The following SNX25 variants were observed in gnomAD, a reference collection of about 807,000 sequenced individuals.
The protein encoded by SNX25 is sorting nexin-25.
SNX25 carries 62 observed loss-of-function variants against 113.7 expected under a neutral mutation model. That is an observed-to-expected ratio of 0.55 (90% CI 0.44 to 0.67). The LOEUF (loss-of-function observed/expected upper bound fraction) is 0.67. SNX25 is among the 30% of genes least tolerant of loss of function. The pLI, the probability that SNX25 is intolerant of heterozygous loss-of-function variation, is 0.00. For synonymous variants in SNX25, 421 were observed against 436.2 expected (o/e 0.97, Z 0.43); for missense variants, 1,014 against 1,161.0 (o/e 0.87, Z 1.84).
At chr4:185,367,821 TAGA>T (rs772570545), downstream of SNX25, among the ~76,000 whole-genome samples, 2 of 152,156 alleles carry the variant, frequency 1.3e-5, no homozygotes, top group Non-Finnish European at 2.9e-5. Context: ...TCTACATATG[TAGA>T]AGTTTTCACC....
chr4:185,349,726 T>C (rs1418016606), intron 13 of SNX25, among the ~76,000 whole-genome samples: 1 of 152,220 alleles, frequency 6.6e-6, no homozygotes, highest in East Asian at 1.9e-4. Context: ...TTAATGGGAT[T>C]ATTGTGTGTG....
intron 1 of SNX25, among the ~76,000 whole-genome samples, chr4:185,213,452 A>T (rs1268635160): frequency 6.6e-6 from 1 of 152,230 alleles, no homozygotes; most frequent in Non-Finnish European, 1.5e-5. Flanking sequence ...GTCTTGACAG[A>T]TGATATCTGG....
intron 17 of SNX25, 126 bp downstream of exon 17, chr4:185,362,231 T>C: frequency 1.4e-6 from 2 of 1,388,690 alleles, no homozygotes; most frequent in Non-Finnish European, 1.9e-6. Context: ...GATCATACTC[T>C]TTTAAGCCAT....
At chr4:185,347,458 C>A (rs138400401) in intron 13 of SNX25, among the ~76,000 whole-genome samples, 6 of 150,818 alleles carry the variant, frequency 4.0e-5, no homozygotes, top group Non-Finnish European at 7.4e-5. Flanking sequence ...TTTTTGTTTT[C>A]TTTTGTTTTG....
chr4:185,314,761 G>A (rs1166762275), intron 7 of SNX25, among the ~76,000 whole-genome samples: 1 of 151,138 alleles, frequency 6.6e-6, no homozygotes, highest in Non-Finnish European at 1.5e-5. Context: ...GGGAGGCTGC[G>A]GCAGAAGAAT....
At chr4:185,324,911 T>G (rs192711804) in intron 9 of SNX25, among the ~76,000 whole-genome samples, 1 of 152,168 alleles carries the variant, frequency 6.6e-6, no homozygotes, top group Non-Finnish European at 1.5e-5. Flanking sequence ...TAGATGTTTT[T>G]GGGTAGTTGC....
intron 7 of SNX25, among the ~76,000 whole-genome samples, chr4:185,314,575 G>T (rs941163150): frequency 6.6e-6 from 1 of 151,998 alleles, no homozygotes; most frequent in African/African-American, 2.4e-5. Context: ...AAAAAGAAAT[G>T]GAGGCTGGGC....
chr4:185,374,431 G>A, downstream of SNX25: 1 of 1,613,980 alleles, frequency 6.2e-7, no homozygotes, highest in Admixed American at 1.7e-5. Flanking sequence ...GGAGAATCAA[G>A]AATTTTCTTC....
At position 185,323,544 on chromosome 4, in the gene SNX25, T is replaced by G; in HGVS notation, c.1493T>G (p.Leu498Ter). 6.2e-7 allele frequency: 1 copy of G among 1,610,732 alleles called. No individual in the cohort carries two copies. Among genetic ancestry groups the G allele is most frequent in the Non-Finnish European group, 8.5e-7 (1 of 1,178,772 alleles). ...KNANKNEIPQLVGEIYQNFFV... is the reference protein window; with the variant it reads ...KNANKNEIPQ ...TCTTTTCAGAATGAAATTCCACAAT[T>G]AGTTGGTGAAATTTATCAGAATTTC... Residue 498 changes from leucine (L) to a stop codon, truncating the protein, a stop_gained, in exon 9 of 19, where the codon TTA becomes TGA. Transcript: ENST00000652585. LOFTEE classifies it high-confidence loss of function.
chr4:185,340,600 G>A (rs143356551), intron 11 of SNX25, among the ~76,000 whole-genome samples: 1 of 152,290 alleles, frequency 6.6e-6, no homozygotes, highest in East Asian at 1.9e-4. Context: ...GGACTCAGGG[G>A]AATGTAATGG....
At chr4:185,280,132 G>A (rs1334320385) in intron 5 of SNX25, among the ~76,000 whole-genome samples, 1 of 152,220 alleles carries the variant, frequency 6.6e-6, no homozygotes, top group South Asian at 2.1e-4. Flanking sequence ...GTCTCATTAT[G>A]TTGCCCAGGC....
intron 13 of SNX25, among the ~76,000 whole-genome samples, chr4:185,349,159 C>T (rs1337571149): frequency 6.6e-6 from 1 of 152,168 alleles, no homozygotes; most frequent in Non-Finnish European, 1.5e-5. Context: ...TACACTAACC[C>T]TAACGACAGC....
At chr4:185,261,429 A>C (rs1747329404) in intron 3 of SNX25, among the ~76,000 whole-genome samples, 1 of 152,132 alleles carries the variant, frequency 6.6e-6, no homozygotes, top group South Asian at 2.1e-4. Context: ...CACCTGCCTC[A>C]GCCTGCCAAG....
Position 185,232,912 on chromosome 4 carries a change from A to C in SNX25, c.430-14382A>C, listed in dbSNP as rs1742073554. On this transcript the variant is annotated intron_variant, in intron 1 of 18. Coordinates refer to ENST00000652585, the MANE Select transcript of SNX25 (RefSeq NM_001378034.2). The surrounding 1 kb of genome is among the most constrained non-coding windows in gnomAD (Gnocchi z 4.4). ...GTAGAGAGCATGCCAGAATAGGAAGAATATTAGAATTCCTAAGCCCAGCCT... is the reference window on the plus strand; with the variant it reads ...GTAGAGAGCATGCCAGAATAGGAAGCATATTAGAATTCCTAAGCCCAGCCT... Among the ~76,000 whole-genome samples the C allele has an allele frequency of 6.6e-6, 1 of 152,232 alleles. No homozygotes were observed.
intron 8 of SNX25, among the ~76,000 whole-genome samples, chr4:185,321,782 GAAA>G (rs554613661): frequency 6.6e-6 from 1 of 151,916 alleles, no homozygotes; most frequent in Admixed American, 6.6e-5. Context: ...TATTTGGGGG[GAAA>G]AAAACTGCAT....
chr4:185,233,709 A>C (rs1742190855), intron 1 of SNX25, among the ~76,000 whole-genome samples: 1 of 152,028 alleles, frequency 6.6e-6, no homozygotes, highest in Non-Finnish European at 1.5e-5. Context: ...TGTTTGTCTG[A>C]TTTGAAATAT....
chr4:185,265,151 CA>C (rs1747874938), intron 4 of SNX25, among the ~76,000 whole-genome samples: 1 of 152,032 alleles, frequency 6.6e-6, no homozygotes, highest in South Asian at 2.1e-4. Flanking sequence ...TTCTGATTAG[CA>C]TATTTACTTA....
At chr4:185,325,246 A>T (rs555124072) in intron 9 of SNX25, among the ~76,000 whole-genome samples, 1 of 152,288 alleles carries the variant, frequency 6.6e-6, no homozygotes, top group South Asian at 2.1e-4. Context: ...TTATTAAAAG[A>T]CAAATCGCCA....
intron 16 of SNX25, among the ~76,000 whole-genome samples, chr4:185,357,947 A>G (rs893892050): frequency 1.3e-5 from 2 of 152,332 alleles, no homozygotes; most frequent in East Asian, 3.9e-4. Flanking sequence ...TAGATAAGAA[A>G]AGCTTGAGCT....
Sources: gnomAD v4.1 joint callset for allele counts (sites outside exome capture counted in the v4.1 genomes callset) on GRCh38, gnomAD v4.1.1 for gene constraint, Gnocchi (gnomAD v3.1) non-coding constraint, MANE v1.5 for transcripts, NCBI Gene and HGNC (gene_info 2026-07-23, HGNC 2026-07-21) for gene names.